BTRC: variants seen among roughly 807,000 people sequenced by gnomAD.
BTRC encodes beta-transducin repeat containing E3 ubiquitin protein ligase, also known as F-box/WD repeat-containing protein 1A.
Under a neutral mutation model 85.5 loss-of-function variants are expected in BTRC, and 42 were observed. The observed-to-expected ratio is 0.49, with a 90% CI of 0.38 to 0.64. The LOEUF is 0.64. BTRC is among the 30% of genes least tolerant of loss of function. The pLI is 0.00. For synonymous variants in BTRC, 255 were observed against 263.3 expected (o/e 0.97, Z 0.30); for missense variants, 594 against 743.5 (o/e 0.80, Z 2.34).
At chr10:101,522,799 C>A (rs2062136976) in intron 5 of BTRC, among the ~76,000 whole-genome samples, 1 of 152,126 alleles carries the variant, frequency 6.6e-6, no homozygotes, top group African/African-American at 2.4e-5. Context: ...CAAATAAAAT[C>A]TTTTCTGAGG....
chr10:101,446,162 G>A (rs1240036180), intron 2 of BTRC, among the ~76,000 whole-genome samples: 1 of 126,032 alleles, frequency 7.9e-6, no homozygotes, highest in East Asian at 2.3e-4. Context: ...ATATGTTCTA[G>A]GTTTATTAAG....
intron 1 of BTRC, among the ~76,000 whole-genome samples, chr10:101,429,604 G>A (rs1156642849): frequency 7.5e-6 from 1 of 133,708 alleles, no homozygotes; most frequent in Non-Finnish European, 1.6e-5. Context: ...CTTTTTCTCT[G>A]TCTCTCCTTT....
chr10:101,406,727 T>C (rs1161123424), intron 1 of BTRC, among the ~76,000 whole-genome samples: 1 of 150,970 alleles, frequency 6.6e-6, no homozygotes, highest in Non-Finnish European at 1.5e-5. Context: ...ATAGACAGGG[T>C]TTTGCCATGT....
intron 4 of BTRC, among the ~76,000 whole-genome samples, chr10:101,519,788 G>A (rs926859861): frequency 8.5e-5 from 13 of 152,160 alleles, no homozygotes; most frequent in Non-Finnish European, 1.6e-4. Flanking sequence ...CTGAGGTTGG[G>A]AGTTCGAGAA....
chr10:101,444,096 T>C (rs1289716228), intron 2 of BTRC, among the ~76,000 whole-genome samples: 1 of 152,042 alleles, frequency 6.6e-6, no homozygotes, highest in African/African-American at 2.4e-5. Flanking sequence ...GGAAATGGTA[T>C]ACTTATGTTC....
At chr10:101,366,862 A>ATATATATTTATATATATTTATG (rs1554862147) in intron 1 of BTRC, among the ~76,000 whole-genome samples, 1 of 28,728 alleles carries the variant, frequency 3.5e-5, no homozygotes, top group East Asian at 5.9e-4. Flanking sequence ...ATATATATTT[A>ATATATATTTATATATATTTATG]TATATTAATA....
chr10:101,465,285 C>G (rs916403564), intron 3 of BTRC, among the ~76,000 whole-genome samples: 3 of 152,086 alleles, frequency 2.0e-5, no homozygotes, highest in Non-Finnish European at 4.4e-5. Flanking sequence ...CAGTTATCTT[C>G]TAGCAATTTA....
chr10:101,429,866 T>TAA lies in BTRC; in HGVS notation c.49-466_49-465dup, dbSNP rs35131210. Among the ~76,000 whole-genome samples the TAA allele has an allele frequency of 4.6e-3, 662 of 143,762 alleles. 1 individual carries two copies. Among genetic ancestry groups the TAA allele is most frequent in the Non-Finnish European group, 6.7e-3 (438 of 65,772 alleles). 94.3% of individuals were successfully genotyped at this position (143,762 alleles called of 152,430 possible). A position where few individuals can be genotyped will look rare whatever the true frequency, so the allele number is the denominator to read the frequency against. On this transcript the variant is annotated intron_variant, in intron 1 of 14. Transcript: ENST00000370187. ...GATACAATACTTTTTCTTTTCCTTC[T>TAA]AAAAAAAAAAAAAACTCTCTTAACT... is the stretch of plus-strand genomic sequence containing the variant.
At chr10:101,435,123 G>A (rs1315259100) in intron 2 of BTRC, among the ~76,000 whole-genome samples, 1 of 151,972 alleles carries the variant, frequency 6.6e-6, no homozygotes. Flanking sequence ...AATTACAGCA[G>A]TCTTAGTGCA....
intron 1 of BTRC, among the ~76,000 whole-genome samples, chr10:101,413,677 A>T (rs558644136): frequency 1.3e-5 from 2 of 152,296 alleles, no homozygotes; most frequent in South Asian, 4.1e-4. Context: ...CATTAAAGGA[A>T]AAAAAAACTT....
At chr10:101,450,191 T>C (rs1323619563) in intron 2 of BTRC, among the ~76,000 whole-genome samples, 1 of 152,208 alleles carries the variant, frequency 6.6e-6, no homozygotes, top group Non-Finnish European at 1.5e-5. Context: ...TTCAAACCTT[T>C]GATTAAGAAG....
At chr10:101,434,406 C>T (rs907927044) in intron 2 of BTRC, among the ~76,000 whole-genome samples, 2 of 151,988 alleles carry the variant, frequency 1.3e-5, no homozygotes, top group African/African-American at 2.4e-5. Context: ...TGAACCTCAA[C>T]GGTTATACTG....
At chr10:101,391,265 C>A (rs1389112379) in intron 1 of BTRC, among the ~76,000 whole-genome samples, 1 of 152,072 alleles carries the variant, frequency 6.6e-6, no homozygotes, top group African/African-American at 2.4e-5. Context: ...AAAAGGAATT[C>A]TCTAAATAAA....
At chr10:101,456,945 A>G (rs769679598) in intron 2 of BTRC, among the ~76,000 whole-genome samples, 3 of 152,202 alleles carry the variant, frequency 2.0e-5, no homozygotes, top group East Asian at 3.8e-4. Context: ...TTAATATACT[A>G]TAGTCCCCAC....
At chr10:101,405,740 T>TC (rs1943604010) in intron 1 of BTRC, among the ~76,000 whole-genome samples, 2 of 152,178 alleles carry the variant, frequency 1.3e-5, no homozygotes, top group African/African-American at 4.8e-5. Flanking sequence ...GTGCACTTAC[T>TC]CCATCTTACA....
At chr10:101,522,946 C>G (rs1448781252) in intron 5 of BTRC, among the ~76,000 whole-genome samples, 1 of 152,130 alleles carries the variant, frequency 6.6e-6, no homozygotes, top group Non-Finnish European at 1.5e-5. Flanking sequence ...TGGCTCAGGC[C>G]TGTAATTCCA....
intron 1 of BTRC, among the ~76,000 whole-genome samples, chr10:101,410,300 T>C (rs1442308189): frequency 6.6e-6 from 1 of 152,148 alleles, no homozygotes; most frequent in African/African-American, 2.4e-5. Flanking sequence ...GATTTTCATT[T>C]TCCCAATGAC....
At chr10:101,354,142 CGGCCCCGGCGGAGAGCGGACCCAGT>C (rs1564721845) in exon 1 of BTRC, 2 of 1,546,932 alleles carry the variant, frequency 1.3e-6, no homozygotes. Flanking sequence ...ACCAAAGGGG[CGGCCCCGGCGGAGAGCGGACCCAGT>C]GGCCTCGGCG....
At chr10:101,534,071 A>G (rs577810105) in intron 9 of BTRC, among the ~76,000 whole-genome samples, 8 of 152,342 alleles carry the variant, frequency 5.3e-5, no homozygotes, top group African/African-American at 1.9e-4. Context: ...ATAATCACAC[A>G]AAATTCTCAA....
Sources: gnomAD v4.1 joint callset for allele counts (sites outside exome capture counted in the v4.1 genomes callset) on GRCh38, gnomAD v4.1.1 for gene constraint, MANE v1.5 for transcripts, NCBI Gene and HGNC (gene_info 2026-07-23, HGNC 2026-07-21) for gene names.